Variants in COL1A2 observed in about 807,000 individuals in gnomAD.
The protein encoded by COL1A2 is collagen alpha-2(I) chain.
A neutral mutation model predicts 174.3 loss-of-function variants in COL1A2; 49 were observed. That is an observed-to-expected ratio of 0.28 (90% CI 0.22 to 0.36). COL1A2 has a LOEUF of 0.36. Ranked by LOEUF, COL1A2 falls within the 10% of genes least tolerant of loss-of-function variation. COL1A2 has a pLI of 1.00. For synonymous variants in COL1A2, 655 were observed against 606.6 expected (o/e 1.08, Z -1.17); for missense variants, 1,438 against 1,822.7 (o/e 0.79, Z 3.84).
chr7:94,412,512 TG>T, intron 24 of COL1A2, 71 bp from the exon 25 acceptor site: 3 of 1,140,242 alleles, frequency 2.6e-6, no homozygotes, highest in Non-Finnish European at 3.9e-6. Flanking sequence ...GTTTCATCCG[TG>T]GCAGCATCAT....
chr7:94,404,563 T>A lies in COL1A2; in HGVS notation c.287T>A (p.Met96Lys), dbSNP rs1026230498. The part of the protein sequence containing the change: ...VGLGPGPMGL[M>K]GPRGPPGAAG... The stretch of plus-strand genomic sequence containing the variant: ...TATCTGCTTTCTTTACAGGGCTTAA[T>A]GGGACCTAGAGGCCCACCTGGTGCA... The change falls in exon 7 of 52, where the codon ATG becomes AAG. Residue 96 changes from methionine (M) to lysine (K), a missense_variant. By Grantham distance (95) the Met-to-Lys change is moderately conservative. Around this residue, in one of 3 missense-constraint regions of COL1A2, gnomAD observed 281 missense variants for 310.9 expected, o/e 0.90. Transcript: ENST00000297268. 2.5e-5 allele frequency: 40 copies of A among 1,613,404 alleles called. No homozygotes were observed. The highest frequency in any genetic ancestry group is 3.1e-5 in the Non-Finnish European group (37 of 1,179,960).
chr7:94,412,821 C>A, intron 25 of COL1A2, 139 bp downstream of exon 25: 1 of 817,944 alleles, frequency 1.2e-6, no homozygotes, highest in Non-Finnish European at 2.1e-6. Context: ...CCACTTATCA[C>A]ATTAAAAGTT....
chr7:94,397,725 CT>C, intron 1 of COL1A2, 22 bp from the exon 2 acceptor site: 2 of 1,232,226 alleles, frequency 1.6e-6, no homozygotes, highest in Non-Finnish European at 1.2e-6. Flanking sequence ...TTGTTTCCTA[CT>C]TTTTCTTTTT....
intron 14 of COL1A2, 42 bp downstream of exon 14, chr7:94,408,278 A>G: frequency 6.2e-7 from 1 of 1,613,684 alleles, no homozygotes; most frequent in Non-Finnish European, 8.5e-7. Context: ...CTTTTAAAAA[A>G]TCTTCTAATG....
chr7:94,431,182 A>C lies in COL1A2; in HGVS notation c.*789A>C, dbSNP rs900610015. The stretch of plus-strand genomic sequence containing the variant: ...TTTGTATATGTGAGATGTTTAAATA[A>C]ATTGTGAAAAAAATGAAATAAAGCA... On this transcript the variant is annotated 3_prime_UTR_variant, in exon 52 of 52. Transcript: ENST00000297268. The C allele has an allele frequency of 4.6e-5, 7 of 152,634 alleles. No individual in the cohort carries two copies. Among genetic ancestry groups the C allele is most frequent in the Non-Finnish European group, 8.8e-5 (6 of 68,042 alleles). 9.5% of individuals were successfully genotyped at this position (152,634 alleles called of 1,614,324 possible). A position where few individuals can be genotyped will look rare whatever the true frequency, so the allele number is the denominator to read the frequency against.
chr7:94,425,639 T>A lies in COL1A2; in HGVS notation c.2811T>A (p.Gly937=), dbSNP rs142491949. ...DGNPGNDGPP[G]RDGQPGHKGE... is the part of the protein sequence containing the mutation. ...ACCCTGGGAACGATGGTCCCCCAGG[T>A]CGCGATGGTCAACCCGGACACAAGG... The change falls in exon 43 of 52, where the codon GGT becomes GGA. Residue 937 remains glycine, a synonymous_variant. Coordinates refer to ENST00000297268, the MANE Select transcript of COL1A2 (RefSeq NM_000089.4). 6.2e-7 allele frequency: 1 copy of A among 1,614,120 alleles called. No homozygotes were observed. The highest frequency in any genetic ancestry group is 8.5e-7 in the Non-Finnish European group (1 of 1,179,986).
At chr7:94,425,917 C>T in intron 44 of COL1A2, 60 bp downstream of exon 44, 2 of 1,603,810 alleles carry the variant, frequency 1.2e-6, no homozygotes, top group East Asian at 2.2e-5. Flanking sequence ...CTTCTGACTT[C>T]CCCACACTTG....
Position 94,408,798 on chromosome 7 carries a change from G to A in COL1A2, c.767G>A (p.Gly256Asp), listed in dbSNP as rs67525025. 1 of 1,614,150 alleles carries A rather than the reference G, an allele frequency of 6.2e-7. No individual in the cohort carries two copies. Among genetic ancestry groups the A allele is most frequent in the Non-Finnish European group, 8.5e-7 (1 of 1,180,036 alleles). Residue 256 changes from glycine (G) to aspartate (D), a missense_variant, in exon 16 of 52, where the codon GGC (glycine) becomes GAC (aspartate). Gly to Asp is a moderately conservative substitution (Grantham distance 94, BLOSUM62 -1). Around this residue, in one of 3 missense-constraint regions of COL1A2, gnomAD observed 867 missense variants for 1,213.7 expected, o/e 0.71. Coordinates refer to ENST00000297268, the MANE Select transcript of COL1A2 (RefSeq NM_000089.4). ...AGPIGSAGPP[G>D]FPGAPGPKGE... ...CCCATTGGGTCTGCTGGCCCTCCAG[G>A]CTTCCCAGGTGCCCCTGGCCCCAAG...
rs374878685 is a variant in COL1A2 at position 94,417,736 on chromosome 7, G to A, written c.1876G>A (p.Val626Met). 1.7e-5 allele frequency: 27 copies of A among 1,594,628 alleles called. No homozygotes were observed. In the African/African-American group the frequency reaches 2.1e-4, roughly 13 times the overall value. ...TGTTTGACTCAAGGGTGAACCTGGT[G>A]TGGTTGGTGCTGTGGGCACTGCTGG... ...GPDGNKGEPG[V>M]VGAVGTAGPS... Residue 626 changes from valine to methionine, a missense_variant, in exon 32 of 52, where the codon GTG becomes ATG. Val to Met is a conservative substitution (Grantham distance 21). Transcript: ENST00000297268.
intron 21 of COL1A2, 100 bp downstream of exon 21, chr7:94,410,627 CA>C (rs1241600209): frequency 1.3e-5 from 14 of 1,050,400 alleles, no homozygotes; most frequent in Admixed American, 6.1e-5. Flanking sequence ...TTTTCTTAGG[CA>C]AAAAAAGCAT....
chr7:94,402,849 C>T (rs1791714726), intron 6 of COL1A2, among the ~76,000 whole-genome samples: 1 of 151,970 alleles, frequency 6.6e-6, no homozygotes. Flanking sequence ...AGCTAATGGC[C>T]CACAGTAAGC....
intron 40 of COL1A2, chr7:94,423,475 C>T: frequency 3.0e-6 from 1 of 328,690 alleles, no homozygotes; most frequent in South Asian, 3.0e-5. Context: ...ATACACTGTC[C>T]AGTATTAGTG....
intron 46 of COL1A2, 111 bp from the exon 47 acceptor site, chr7:94,426,897 T>C: frequency 1.1e-6 from 1 of 930,422 alleles, no homozygotes; most frequent in South Asian, 1.5e-5. Flanking sequence ...TTCAATTTTC[T>C]CAATCCGGAG....
In COL1A2 at chr7:94,412,070, T is replaced by A. The variant is rs545459178; in HGVS notation, c.1353T>A (p.Gly451=). The A allele has an allele frequency of 6.8e-5, 109 of 1,611,276 alleles. 1 individual carries two copies. In the South Asian group the frequency reaches 1.1e-3, roughly 16 times the overall value. ...AAACATCCTCATTTATTTTATAGGG[T>A]CTTCCTGGTTCCCCTGGAAATATCG... ...PGEPGLMGPR[G]LPGSPGNIGP... is the part of the protein sequence containing the mutation. Residue 451 remains glycine (G), a splice_region_variant and synonymous_variant, in exon 24 of 52, where the codon GGT becomes GGA. Coordinates refer to ENST00000297268, the MANE Select transcript of COL1A2 (RefSeq NM_000089.4).
intron 50 of COL1A2, 93 bp from the exon 51 acceptor site, chr7:94,429,095 G>C (rs1373859867): frequency 1.2e-5 from 12 of 994,206 alleles, no homozygotes; most frequent in African/African-American, 2.3e-5. Context: ...CTCTTCCTGA[G>C]ATCTTTTTTT....
At chr7:94,427,474 C>T in intron 48 of COL1A2, 153 bp from the exon 49 acceptor site, 1 of 1,093,574 alleles carries the variant, frequency 9.1e-7, no homozygotes, top group Non-Finnish European at 1.4e-6. Flanking sequence ...TGCAAGTGTG[C>T]CTGGGGGCTC....
rs1409538618 is a variant in COL1A2, at chr7:94,419,556, G to A, written c.2079+5G>A. 6.2e-7 allele frequency: 1 copy of A among 1,613,900 alleles called. No homozygotes were observed. Among genetic ancestry groups the A allele is most frequent in the Non-Finnish European group, 8.5e-7 (1 of 1,179,990 alleles). ...GCTGGAGCCACAGGTGACCGGGTAA[G>A]CATGCATTTTCACTAAGCCAACAGC... On this transcript the variant is annotated splice_donor_5th_base_variant and intron_variant, in intron 34 of 51. Transcript: ENST00000297268.
intron 33 of COL1A2, among the ~76,000 whole-genome samples, chr7:94,418,987 A>G (rs1792098095): frequency 1.3e-5 from 2 of 150,344 alleles, no homozygotes; most frequent in East Asian, 1.9e-4. Context: ...AGCAGCCCCA[A>G]AGATTAGCTG....
chr7:94,412,808 A>G, intron 25 of COL1A2, 126 bp downstream of exon 25: 2 of 851,876 alleles, frequency 2.3e-6, no homozygotes, highest in South Asian at 1.4e-5. Context: ...GGAAAACTGC[A>G]GGCCACTTAT....
Sources: allele counts gnomAD v4.1 joint callset (sites outside exome capture counted in the v4.1 genomes callset), GRCh38; gene constraint gnomAD v4.1.1; regional missense constraint gnomAD v4.1.1; transcripts MANE v1.5; gene names NCBI Gene and HGNC (gene_info 2026-07-23, HGNC 2026-07-21).